Variants in DERA observed in about 807,000 individuals in gnomAD.
DERA encodes 2-deoxy-D-ribose 5-phosphate aldolase.
In DERA, 15 loss-of-function variants were observed where a neutral mutation model predicts 41.1. The observed-to-expected ratio is 0.37, with a 90% CI of 0.24 to 0.56. The LOEUF (loss-of-function observed/expected upper bound fraction) is 0.56. Ranked by LOEUF, DERA falls within the 20% of genes least tolerant of loss-of-function variation. The probability of loss-of-function intolerance (pLI) is 0.81; values close to 1 mark genes in which losing one functional copy is unlikely to be tolerated. For missense variants in DERA, 396 were observed against 403.4 expected, an observed-to-expected ratio of 0.98 and a Z score of 0.16; for synonymous variants, 139 against 137.4, an observed-to-expected ratio of 1.01 and a Z score of -0.08.
intron 5 of DERA, among the ~76,000 whole-genome samples, chr12:15,977,802 T>G (rs1565602957): frequency 6.6e-6 from 1 of 152,204 alleles, no homozygotes; most frequent in Non-Finnish European, 1.5e-5. Context: ...AACTGCAAAT[T>G]GTCTCACGAT....
At chr12:16,029,154 G>T (rs1027476281) in intron 6 of DERA, among the ~76,000 whole-genome samples, 1 of 152,194 alleles carries the variant, frequency 6.6e-6, no homozygotes, top group African/African-American at 2.4e-5. Flanking sequence ...AAACAAACTG[G>T]CCGGGCGCGG....
Position 16,008,256 on chromosome 12 carries a change from G to C in DERA, c.638-24286G>C, listed in dbSNP as rs115975975. On this transcript the variant is annotated intron_variant, in intron 6 of 8. Transcript: ENST00000428559. This position sits in a 1 kb window ranked among gnomAD's most constrained non-coding sequence, Gnocchi z 4.8. ...CCTCAGATGGTTGTTTCTCAAACAG[G>C]AATCCTACTACTCCGTGGCTTCTCA... Among the ~76,000 whole-genome samples, 62 of 152,330 alleles carry C rather than the reference G, an allele frequency of 4.1e-4. No individual in the cohort carries two copies. The highest frequency in any genetic ancestry group is 1.5e-3 in the African/African-American group (62 of 41,562).
chr12:15,936,799 G>C lies in DERA; in HGVS notation c.32-20137G>C, dbSNP rs1299735748. 1.3e-5 allele frequency among the ~76,000 whole-genome samples: 2 copies of C among 150,992 alleles called. No individual in the cohort carries two copies. Among genetic ancestry groups the C allele is most frequent in the African/African-American group, 2.4e-5 (1 of 40,942 alleles). ...ATTGTCTCACCACCCGGATTTGTCTGATTATTTTCTAGTGATGTCATTTAA... is the reference window on the plus strand; with the variant it reads ...ATTGTCTCACCACCCGGATTTGTCTCATTATTTTCTAGTGATGTCATTTAA... On this transcript the variant is annotated intron_variant, in intron 1 of 8. Transcript: ENST00000428559. The surrounding 1 kb of genome is among the most constrained non-coding windows in gnomAD (Gnocchi z 4.6).
At chr12:15,958,428 G>A (rs554275088) in intron 3 of DERA, 93 bp downstream of exon 3, 1 of 959,286 alleles carries the variant, frequency 1.0e-6, no homozygotes, top group South Asian at 2.5e-5. Flanking sequence ...GCTAATGATA[G>A]CGGTGATAGA....
In DERA at chr12:15,929,388, C is replaced by T. The variant is rs186241961; in HGVS notation, c.31+17974C>T. 2.3e-3 allele frequency among the ~76,000 whole-genome samples: 352 copies of T among 152,208 alleles called. 3 individuals carry two copies. Among genetic ancestry groups the T allele is most frequent in the African/African-American group, 8.2e-3 (340 of 41,526 alleles). On this transcript the variant is annotated intron_variant, in intron 1 of 8. Coordinates refer to ENST00000428559, the MANE Select transcript of DERA (RefSeq NM_015954.4). ...CAGCACCCAGCAGGTGGTGATTTCC[C>T]CTCTAATTCGGTTTTGAACAGATAC...
rs1056215608 is a variant in DERA at position 16,026,014 on chromosome 12, A to G, written c.638-6528A>G. On this transcript the variant is annotated intron_variant, in intron 6 of 8. Coordinates refer to ENST00000428559, the MANE Select transcript of DERA (RefSeq NM_015954.4). The surrounding 1 kb of genome is among the most constrained non-coding windows in gnomAD (Gnocchi z 4.4). Reference sequence around the variant, plus strand: ...CTTTGAACTAAATGAAAATAAAAATACACCACCAAAATTTGTAGGATGTTC... The same window carrying G: ...CTTTGAACTAAATGAAAATAAAAATGCACCACCAAAATTTGTAGGATGTTC... 1.3e-5 allele frequency among the ~76,000 whole-genome samples: 2 copies of G among 152,138 alleles called. No homozygotes were observed. The highest frequency in any genetic ancestry group is 2.9e-5 in the Non-Finnish European group (2 of 67,952).
chr12:16,034,605 TTAGACTA>T (rs922850508), intron 7 of DERA, among the ~76,000 whole-genome samples: 1 of 152,194 alleles, frequency 6.6e-6, no homozygotes, highest in Non-Finnish European at 1.5e-5. Flanking sequence ...TGGGCAGCCC[TTAGACTA>T]TAAAGTTTCT....
chr12:15,967,540 C>T lies in DERA; in HGVS notation c.508+4593C>T, dbSNP rs1257664231. On this transcript the variant is annotated intron_variant, in intron 5 of 8. Transcript: ENST00000428559. The surrounding 1 kb of genome is among the most constrained non-coding windows in gnomAD (Gnocchi z 4.9). ...TTGATTATTCCAAACTGTTTCATTA[C>T]TGATTATATTATCCCAGAATACAGT... Among the ~76,000 whole-genome samples the T allele has an allele frequency of 6.6e-6, 1 of 152,096 alleles. No individual in the cohort carries two copies. Among genetic ancestry groups the T allele is most frequent in the Non-Finnish European group, 1.5e-5 (1 of 68,016 alleles).
chr12:15,930,979 T>C (rs1948323509), intron 1 of DERA, among the ~76,000 whole-genome samples: 1 of 152,206 alleles, frequency 6.6e-6, no homozygotes, highest in Admixed American at 6.5e-5. Context: ...AGATATTGTA[T>C]AATCTTCAAG....
At chr12:15,971,132 CT>C (rs778592216) in intron 5 of DERA, among the ~76,000 whole-genome samples, 37 of 152,334 alleles carry the variant, frequency 2.4e-4, no homozygotes, top group Non-Finnish European at 3.7e-4. Flanking sequence ...TTAATAACAT[CT>C]GGAAATTGTT....
At chr12:15,912,755 C>G (rs921999568) in intron 1 of DERA, among the ~76,000 whole-genome samples, 2 of 152,158 alleles carry the variant, frequency 1.3e-5, no homozygotes, top group African/African-American at 4.8e-5. Flanking sequence ...CAGGTAGGTC[C>G]TTTTCGCCCT....
chr12:16,013,958 C>T lies in DERA; in HGVS notation c.638-18584C>T, dbSNP rs60602520. ...ACTTTGCCCCTGCCCTAAAGATCTGCGGAACTTTGAACTTGAGAGAGGTGA... is the reference window on the plus strand; with the variant it reads ...ACTTTGCCCCTGCCCTAAAGATCTGTGGAACTTTGAACTTGAGAGAGGTGA... On this transcript the variant is annotated intron_variant, in intron 6 of 8. Transcript: ENST00000428559. The surrounding 1 kb of genome is among the most constrained non-coding windows in gnomAD (Gnocchi z 5.8). 0.11 allele frequency among the ~76,000 whole-genome samples: 16,092 copies of T among 152,058 alleles called. 2,542 individuals are homozygous for T. Among genetic ancestry groups the T allele is most frequent in the African/African-American group, 0.34 (13,996 of 41,422 alleles).
At position 15,957,954 on chromosome 12, in the gene DERA, GAA is replaced by G. The variant is rs886904452; in HGVS notation, c.130-227_130-226del. Among the ~76,000 whole-genome samples, 1 of 151,800 alleles carries G rather than the reference GAA, an allele frequency of 6.6e-6. No individual in the cohort carries two copies. Among genetic ancestry groups the G allele is most frequent in the Non-Finnish European group, 1.5e-5 (1 of 67,938 alleles). The stretch of plus-strand genomic sequence containing the variant: ...GTTTCAATTTGGGATATCTGTGGGA[GAA>G]AAAAAATGTTTAAGCCTACTCTTCC... On this transcript the variant is annotated intron_variant, in intron 2 of 8. Transcript: ENST00000428559. The surrounding 1 kb of genome is among the most constrained non-coding windows in gnomAD (Gnocchi z 4.8).
intron 6 of DERA, among the ~76,000 whole-genome samples, chr12:16,030,303 A>G (rs1168767721): frequency 1.3e-5 from 2 of 152,088 alleles, no homozygotes; most frequent in African/African-American, 4.8e-5. Flanking sequence ...ATCCATTATT[A>G]TACCCAAAAG....
intron 7 of DERA, 200 bp downstream of exon 7, chr12:16,032,854 G>A (rs887099038): frequency 3.7e-6 from 2 of 539,246 alleles, no homozygotes; most frequent in East Asian, 3.3e-5. Context: ...AGTTGTGAGT[G>A]TGGGAGTGAG....
intron 1 of DERA, among the ~76,000 whole-genome samples, chr12:15,944,588 C>T (rs1948432911): frequency 6.6e-6 from 1 of 152,070 alleles, no homozygotes; most frequent in African/African-American, 2.4e-5. Flanking sequence ...TTGATTTTTT[C>T]TTGTAAGTTT....
rs1290411564 is a variant in DERA at position 15,996,910 on chromosome 12, T to C, written c.637+14474T>C. On this transcript the variant is annotated intron_variant, in intron 6 of 8. Coordinates refer to ENST00000428559, the MANE Select transcript of DERA (RefSeq NM_015954.4). The surrounding 1 kb of genome is among the most constrained non-coding windows in gnomAD (Gnocchi z 4.7). ...ATTTTTATCTGCAAAAAGCATTTGG[T>C]AAGGTTCTCAATGGGAGATTAATGA... Among the ~76,000 whole-genome samples the C allele has an allele frequency of 6.6e-6, 1 of 152,152 alleles. No individual in the cohort carries two copies. Among genetic ancestry groups the C allele is most frequent in the Admixed American group, 6.5e-5 (1 of 15,278 alleles).
chr12:16,005,152 T>G (rs1396504718), intron 6 of DERA, among the ~76,000 whole-genome samples: 1 of 151,698 alleles, frequency 6.6e-6, no homozygotes, highest in African/African-American at 2.4e-5. Context: ...ACCGTCAGAG[T>G]TGAAAAGGGG....
rs977558014 is a variant in DERA at position 15,959,838 on chromosome 12, C to T, written c.287C>T (p.Thr96Ile). 7.1e-6 allele frequency: 11 copies of T among 1,544,188 alleles called. No individual in the cohort carries two copies. Among genetic ancestry groups the T allele is most frequent in the East Asian group, 2.4e-5 (1 of 41,008 alleles). Residue 96 changes from threonine to isoleucine, a missense_variant, in exon 4 of 9, where the codon ACA becomes ATA. Thr to Ile is a moderately conservative substitution (Grantham distance 89, BLOSUM62 -1). Coordinates refer to ENST00000428559, the MANE Select transcript of DERA (RefSeq NM_015954.4). The surrounding 1 kb of genome is among the most constrained non-coding windows in gnomAD (Gnocchi z 4.5). ...ALNMHDKGIT[T>I]AAVCVYPARV... ...TATTTTTTCTTGATAGGCATTACTA[C>T]AGCCGCCGTTTGTGTTTATCCCGCC... is the stretch of plus-strand genomic sequence containing the variant.
Sources: allele counts gnomAD v4.1 joint callset (sites outside exome capture counted in the v4.1 genomes callset), GRCh38; gene constraint gnomAD v4.1.1; non-coding constraint Gnocchi (gnomAD v3.1); transcripts MANE v1.5; gene names NCBI Gene and HGNC (gene_info 2026-07-23, HGNC 2026-07-21).